The following ADD1 variants were observed in gnomAD, a reference collection of about 807,000 sequenced individuals.
The protein encoded by ADD1 is alpha-adducin.
ADD1 carries 24 observed loss-of-function variants against 80.5 expected under a neutral mutation model. The ratio of observed to expected loss-of-function variants is 0.30; its 90% CI spans 0.22 to 0.42. The LOEUF is 0.42. Ranked by LOEUF, ADD1 falls within the 10% of genes least tolerant of loss-of-function variation. The pLI, the probability that ADD1 is intolerant of heterozygous loss-of-function variation, is 1.00. For missense variants in ADD1, 948 were observed against 1,019.0 expected (o/e 0.93, Z 0.95); for synonymous variants, 373 against 393.8 (o/e 0.95, Z 0.63).
At chr4:2,848,212 CAA>C (rs1318761193) in intron 1 of ADD1, among the ~76,000 whole-genome samples, 17 of 97,732 alleles carry the variant, frequency 1.7e-4, no homozygotes, top group Admixed American at 3.3e-4. Context: ...GACTCCGTCT[CAA>C]AAAAAAAAAA....
chr4:2,907,771 C>T lies in ADD1; in HGVS notation c.1535C>T (p.Ser512Phe), dbSNP rs1242961288. 1 of 1,614,090 alleles carries T rather than the reference C, an allele frequency of 6.2e-7. No individual in the cohort carries two copies. The highest frequency in any genetic ancestry group is 1.7e-5 in the Admixed American group (1 of 60,014). The change falls in exon 11 of 16, where the codon TCC (serine) becomes TTC (phenylalanine). Residue 512 changes from serine to phenylalanine, a missense_variant. Physicochemically the swap from Ser to Phe is radical, Grantham distance 155. Coordinates refer to ENST00000683351, the MANE Select transcript of ADD1 (RefSeq NM_001354761.2). Reference sequence around the variant, plus strand: ...ACTAAAGAGGATGGACATAGAACTTCCACCTCTGCTGTCCCTAACCTGTTT... The same window carrying T: ...ACTAAAGAGGATGGACATAGAACTTTCACCTCTGCTGTCCCTAACCTGTTT... ...LWTKEDGHRTSTSAVPNLFVP... is the reference protein window; with the variant it reads ...LWTKEDGHRTFTSAVPNLFVP...
chr4:2,917,495 A>G (rs753987969), intron 14 of ADD1, among the ~76,000 whole-genome samples: 6 of 152,086 alleles, frequency 3.9e-5, no homozygotes, highest in Non-Finnish European at 8.8e-5. Context: ...TTTCATTCTG[A>G]TGATAGTTTC....
At chr4:2,925,904 T>C in intron 14 of ADD1, 110 bp from the exon 15 acceptor site, 2 of 811,700 alleles carry the variant, frequency 2.5e-6, no homozygotes, top group Non-Finnish European at 4.0e-6. Context: ...GAGAGAGCCC[T>C]GCCTTCTCAG....
chr4:2,917,621 A>G (rs1398415878), intron 14 of ADD1, among the ~76,000 whole-genome samples: 3 of 152,156 alleles, frequency 2.0e-5, no homozygotes, highest in African/African-American at 7.2e-5. Context: ...TATGTCCTGA[A>G]TGGTATTGCC....
chr4:2,878,317 C>T (rs572887965), intron 2 of ADD1, among the ~76,000 whole-genome samples: 7 of 152,034 alleles, frequency 4.6e-5, no homozygotes, highest in Non-Finnish European at 8.8e-5. Flanking sequence ...CTGCTTGGGC[C>T]AAGGTGGCGT....
In ADD1 at chr4:2,904,822, A is replaced by C. The variant is rs1382755770; in HGVS notation, c.1220A>C (p.Tyr407Ser). The change falls in exon 10 of 16, where the codon TAC (tyrosine) becomes TCC (serine). Residue 407 changes from tyrosine (Y) to serine (S), a missense_variant. Physicochemically the swap from Tyr to Ser is moderately radical, Grantham distance 144. Transcript: ENST00000683351. ...GCTCTGAGAGAGAAGTCTAAAAAAT[A>C]CAGCGATGTGGAGGTTCCTGCTAGT... The part of the protein sequence containing the change: ...YPALREKSKK[Y>S]SDVEVPASVT... 6.2e-7 allele frequency: 1 copy of C among 1,614,202 alleles called. No homozygotes were observed.
intron 4 of ADD1, among the ~76,000 whole-genome samples, chr4:2,892,979 G>A (rs923357520): frequency 6.6e-6 from 1 of 151,968 alleles, no homozygotes; most frequent in Non-Finnish European, 1.5e-5. Context: ...GCAGTGGCAC[G>A]ATCATGACTG....
chr4:2,876,989 G>A (rs868740511), intron 2 of ADD1, among the ~76,000 whole-genome samples: 1 of 140,204 alleles, frequency 7.1e-6, no homozygotes, highest in South Asian at 2.2e-4. Context: ...GCAACAGAGC[G>A]AGACTCTGTC....
chr4:2,885,812 G>A (rs9761159), intron 4 of ADD1, among the ~76,000 whole-genome samples: 109,909 of 150,554 alleles, frequency 0.73, 40,215 homozygotes, highest in East Asian at 0.87. Flanking sequence ...GGGTTTCACC[G>A]TGTTAGCCAG....
chr4:2,911,945 A>C (rs1249447384), intron 13 of ADD1, among the ~76,000 whole-genome samples: 1 of 152,236 alleles, frequency 6.6e-6, no homozygotes, highest in African/African-American at 2.4e-5. Context: ...GCAGAGGGGC[A>C]GTAAGCTCAC....
intron 1 of ADD1, among the ~76,000 whole-genome samples, chr4:2,869,397 G>A (rs572869230): frequency 4.4e-4 from 67 of 152,286 alleles, no homozygotes; most frequent in African/African-American, 1.5e-3. Context: ...CTCCCTGTGC[G>A]TGTCTCTTTG....
rs200429788 is a variant in ADD1 at position 2,904,974 on chromosome 4, G to A, written c.1372G>A (p.Glu458Lys). 2.5e-5 allele frequency: 40 copies of A among 1,614,064 alleles called. No individual in the cohort carries two copies. In the East Asian group the frequency reaches 3.3e-4, roughly 13 times the overall value. ...CTCTGGCCGGGGCGACGAAGCTTCC[G>A]AGGAAGGGCAGAATGGAAGCAGTCC... ...LNSGRGDEAS[E>K]EGQNGSSPKS... is the part of the protein sequence containing the mutation. The change falls in exon 10 of 16, where the codon GAG becomes AAG. Residue 458 changes from glutamate (E) to lysine (K), a missense_variant. Transcript: ENST00000683351.
At chr4:2,921,014 A>C (rs1560254679) in intron 14 of ADD1, among the ~76,000 whole-genome samples, 8 of 152,104 alleles carry the variant, frequency 5.3e-5, no homozygotes, top group African/African-American at 1.7e-4. Context: ...TTCAGGTGCT[A>C]TTGTAAGGCA....
At chr4:2,893,877 G>C (rs765704681) in intron 4 of ADD1, 136 bp from the exon 5 acceptor site, 1 of 709,996 alleles carries the variant, frequency 1.4e-6, no homozygotes, top group Non-Finnish European at 2.5e-6. Context: ...CCTTGGCTTC[G>C]TGACAGGCAT....
chr4:2,904,729 A>G, intron 9 of ADD1, 35 bp from the exon 10 acceptor site: 1 of 1,572,678 alleles, frequency 6.4e-7, no homozygotes, highest in East Asian at 2.3e-5. Flanking sequence ...TGAGATCTGG[A>G]ATATTGACTG....
At chr4:2,857,114 A>G (rs953760701) in intron 1 of ADD1, among the ~76,000 whole-genome samples, 2 of 151,496 alleles carry the variant, frequency 1.3e-5, no homozygotes, top group Admixed American at 1.3e-4. Context: ...GGGTTTCACC[A>G]TGTTAGCCAG....
intron 1 of ADD1, among the ~76,000 whole-genome samples, chr4:2,848,635 A>ATT (rs397823169): frequency 4.2e-5 from 6 of 142,236 alleles, no homozygotes; most frequent in Non-Finnish European, 6.2e-5. Flanking sequence ...GGCTTGGCTA[A>ATT]TTTTTTTTTT....
chr4:2,872,890 A>T (rs1289909323), intron 1 of ADD1, among the ~76,000 whole-genome samples: 5 of 151,964 alleles, frequency 3.3e-5, no homozygotes, highest in Non-Finnish European at 5.9e-5. Flanking sequence ...TTTTATTTTA[A>T]ATTAGTTTAA....
intron 1 of ADD1, among the ~76,000 whole-genome samples, chr4:2,871,825 C>T (rs1664007715): frequency 6.6e-6 from 1 of 152,150 alleles, no homozygotes; most frequent in South Asian, 2.1e-4. Flanking sequence ...AAATGTAAAA[C>T]TAATTTCTTA....
Sources: allele counts gnomAD v4.1 joint callset (sites outside exome capture counted in the v4.1 genomes callset), GRCh38; gene constraint gnomAD v4.1.1; transcripts MANE v1.5; gene names NCBI Gene and HGNC (gene_info 2026-07-23, HGNC 2026-07-21).